Variants in TOP3B observed in about 807,000 individuals in gnomAD.
The protein encoded by TOP3B is DNA topoisomerase 3-beta-1.
Under a neutral mutation model 93.9 loss-of-function variants are expected in TOP3B, and 45 were observed. That is an observed-to-expected ratio of 0.48 (90% CI 0.38 to 0.61). The LOEUF (loss-of-function observed/expected upper bound fraction) is 0.61, where lower values mean the gene tolerates loss of function less well. Among genes scored for constraint, TOP3B ranks in the 20% least tolerant of loss-of-function variants. The probability of loss-of-function intolerance (pLI) is 0.00; values close to 1 mark genes in which losing one functional copy is unlikely to be tolerated. For synonymous variants in TOP3B, 357 were observed against 472.6 expected (o/e 0.76, Z 3.17); for missense variants, 750 against 1,156.1 (o/e 0.65, Z 5.09).
At chr22:21,960,794 C>T in intron 13 of TOP3B, 1 of 278,306 alleles carries the variant, frequency 3.6e-6, no homozygotes, top group Non-Finnish European at 7.1e-6. Context: ...TGCCTGGGTC[C>T]TGTGGCACCC....
rs201804216 is a variant in TOP3B at position 21,964,319 on chromosome 22, C to T, written c.944-4G>A. ...ATGGCGTGCTGCGGCCCCATGCCTG[C>T]GAGAGACAGGAGGTTCTCAGAGGGC... On this transcript the variant is annotated splice_region_variant and splice_polypyrimidine_tract_variant and intron_variant, in intron 9 of 17. Coordinates refer to ENST00000357179, the MANE Select transcript of TOP3B (RefSeq NM_001282112.2). The T allele has an allele frequency of 7.9e-5, 127 of 1,613,108 alleles. No homozygotes were observed. Among genetic ancestry groups the T allele is most frequent in the Non-Finnish European group, 9.1e-5 (107 of 1,179,952 alleles).
chr22:21,981,536 G>C (rs2084631468), intron 1 of TOP3B, among the ~76,000 whole-genome samples: 1 of 152,162 alleles, frequency 6.6e-6, no homozygotes, highest in African/African-American at 2.4e-5. Flanking sequence ...ACGGTAAATA[G>C]ACAGTGAGCA....
intron 1 of TOP3B, among the ~76,000 whole-genome samples, chr22:21,981,288 G>A (rs1392631116): frequency 6.6e-6 from 1 of 152,172 alleles, no homozygotes; most frequent in Non-Finnish European, 1.5e-5. Context: ...TGGGACTGTG[G>A]GGTCAGAGAG....
intron 13 of TOP3B, chr22:21,960,902 C>A: frequency 5.9e-6 from 1 of 169,138 alleles, no homozygotes; most frequent in Non-Finnish European, 1.3e-5. Flanking sequence ...CAATTCTGTC[C>A]ACTTCCTGTC....
rs144269762 is a variant in TOP3B, at chr22:21,964,201, G to C, written c.1058C>G (p.Ser353Cys). 9 of 1,614,194 alleles carry C rather than the reference G, an allele frequency of 5.6e-6. No individual in the cohort carries two copies. Among genetic ancestry groups the C allele is most frequent in the Non-Finnish European group, 7.6e-6 (9 of 1,180,036 alleles). Reference sequence around the variant, plus strand: ...GGGGTGGTTGGCCTGCTGCCGCAGAGAGCCCTTCAGGTCAAAGTTCTCAGG... The same window carrying C: ...GGGGTGGTTGGCCTGCTGCCGCAGACAGCCCTTCAGGTCAAAGTTCTCAGG... The part of the protein sequence containing the change: ...HYPENFDLKG[S>C]LRQQANHPYW... Residue 353 changes from serine (S) to cysteine (C), a missense_variant, in exon 10 of 18, where the codon TCT becomes TGT. This residue lies in a region of TOP3B where 737 missense variants were observed against 933.7 expected (regional missense o/e 0.79). Coordinates refer to ENST00000357179, the MANE Select transcript of TOP3B (RefSeq NM_001282112.2).
rs765755336 is a variant in TOP3B at position 21,972,711 on chromosome 22, G to T, written c.210C>A (p.Tyr70Ter). ...CGGGGTCCACTTTGTCCCATTTGTT[G>T]TATTTTCCTACAAACCAGTCACAGT... ...HVMTLDFLGK[Y>*]NKWDKVDPAE... The change falls in exon 4 of 18, where the codon TAC becomes TAA. Residue 70 changes from tyrosine (Y) to a stop codon, truncating the protein, a stop_gained. Transcript: ENST00000357179. LOFTEE classifies it high-confidence loss of function. The T allele has an allele frequency of 5.6e-6, 9 of 1,613,554 alleles. No homozygotes were observed. The highest frequency in any genetic ancestry group is 7.6e-6 in the Non-Finnish European group (9 of 1,179,800).
intron 13 of TOP3B, 106 bp from the exon 14 acceptor site, chr22:21,960,555 C>A: frequency 4.7e-6 from 7 of 1,489,744 alleles, no homozygotes; most frequent in Non-Finnish European, 6.4e-6. Flanking sequence ...GGCCCTCTCA[C>A]TGCTCCCGGT....
intron 2 of TOP3B, chr22:21,974,720 C>T: frequency 2.6e-6 from 1 of 381,996 alleles, no homozygotes; most frequent in Non-Finnish European, 4.7e-6. Context: ...ATGCAGAGCC[C>T]CAGGCTGCCG....
In TOP3B at chr22:21,959,088, C is replaced by T. The variant is rs1271704570; in HGVS notation, c.1905+44G>A. 5.0e-6 allele frequency: 8 copies of T among 1,608,416 alleles called. 1 individual carries two copies. The African/African-American group carries it at 8.0e-5, about 16-fold the overall frequency. On this transcript the variant is annotated intron_variant, in intron 16 of 17. Coordinates refer to ENST00000357179, the MANE Select transcript of TOP3B (RefSeq NM_001282112.2). ...TGATCAACGATAAAGCTGAGGCCTA[C>T]AGGGGTGAGGCAGCTTGCCTGAGCT...
Position 21,968,646 on chromosome 22 carries a change from T to C in TOP3B, c.711A>G (p.Pro237=), listed in dbSNP as rs2071509033. 3 of 1,614,120 alleles carry C rather than the reference T, an allele frequency of 1.9e-6. No individual in the cohort carries two copies. The highest frequency in any genetic ancestry group is 1.6e-4 in the Middle Eastern group (1 of 6,082). ...ERHDKIQSFK[P]ETYWVLQAKV... ...TGGCCTGCAGCACCCAGTAGGTCTC[T>C]GGTTTGAAGGACTGGATTTTATCAT... Residue 237 remains proline (P), a synonymous_variant, in exon 7 of 18, where the codon CCA becomes CCG. Transcript: ENST00000357179.
chr22:21,962,896 G>A lies in TOP3B; in HGVS notation c.1205-3C>T, dbSNP rs767876919. On this transcript the variant is annotated splice_region_variant and splice_polypyrimidine_tract_variant and intron_variant, in intron 11 of 17. Transcript: ENST00000357179. ...ATAGAGCCGCCACGCGTCACCCCCT[G>A]CAACAGGCCAGGGCTAGTCAGTTGG... The A allele has an allele frequency of 6.2e-7, 1 of 1,612,596 alleles. No homozygotes were observed. Among genetic ancestry groups the A allele is most frequent in the South Asian group, 1.1e-5 (1 of 91,064 alleles).
chr22:21,969,957 A>T (rs2071567498), intron 6 of TOP3B: 40 of 250,744 alleles, frequency 1.6e-4, no homozygotes, highest in South Asian at 3.0e-4. Flanking sequence ...TTTTGTAGAG[A>T]TGGGGTCTTG....
In TOP3B at chr22:21,982,777, C is replaced by A. The variant is rs2084663180; in HGVS notation, c.-146G>T. The stretch of plus-strand genomic sequence containing the variant: ...GCTCCGGTCCTTGTTCCCGGGGCGG[C>A]TACCGACAACCCCTATTTCCGGGTC... On this transcript the variant is annotated 5_prime_UTR_variant, in exon 1 of 18. Coordinates refer to ENST00000357179, the MANE Select transcript of TOP3B (RefSeq NM_001282112.2). 1 of 152,246 alleles carries A rather than the reference C, an allele frequency of 6.6e-6. No homozygotes were observed. Among genetic ancestry groups the A allele is most frequent in the African/African-American group, 2.4e-5 (1 of 41,470 alleles). 9.4% of individuals were successfully genotyped at this position (152,246 alleles called of 1,614,324 possible).
chr22:21,964,270 G>A lies in TOP3B; in HGVS notation c.989C>T (p.Thr330Met), dbSNP rs1439279941. Reference protein sequence around the residue: ...HAMQTAERLYTQGYISYPRTE... With the variant: ...HAMQTAERLYMQGYISYPRTE... ...CCGTGGGTAGCTGATGTAGCCTTGC[G>A]TGTAGAGCCGCTCAGCCGTCTGCAT... The change falls in exon 10 of 18, where the codon ACG (threonine) becomes ATG (methionine). Residue 330 changes from threonine (T) to methionine (M), a missense_variant. This residue lies in a region of TOP3B where 737 missense variants were observed against 933.7 expected (regional missense o/e 0.79). Coordinates refer to ENST00000357179, the MANE Select transcript of TOP3B (RefSeq NM_001282112.2). 5.6e-6 allele frequency: 9 copies of A among 1,614,146 alleles called. No homozygotes were observed. Among genetic ancestry groups the A allele is most frequent in the Middle Eastern group, 1.7e-4 (1 of 6,060 alleles).
At position 21,967,612 on chromosome 22, in the gene TOP3B, C is replaced by G. The variant is rs1358706421; in HGVS notation, c.843G>C (p.Lys281Asn). The change falls in exon 8 of 18, where the codon AAG becomes AAC. Residue 281 changes from lysine (K) to asparagine (N), a missense_variant. This residue lies in a region of TOP3B where 737 missense variants were observed against 933.7 expected (regional missense o/e 0.79). Coordinates refer to ENST00000357179, the MANE Select transcript of TOP3B (RefSeq NM_001282112.2). The part of the protein sequence containing the change: ...QMFLNMTKLE[K>N]EAQVEATSRK... ...GGTGGAGCAGGCACACCTGGGCTTC[C>G]TTCTCCAGCTTTGTCATGTTTAAAA... 6.2e-7 allele frequency: 1 copy of G among 1,614,098 alleles called. No homozygotes were observed. The highest frequency in any genetic ancestry group is 8.5e-7 in the Non-Finnish European group (1 of 1,179,952).
chr22:21,970,510 T>C lies in TOP3B; in HGVS notation c.385-104A>G. ...TCCTTCCAGGAAAGAACACGTGTGC[T>C]CGGCTCCCTCTCCTGCCCCTGCCAG... On this transcript the variant is annotated intron_variant, in intron 5 of 17. Transcript: ENST00000357179. This position sits in a 1 kb window ranked among gnomAD's most constrained non-coding sequence, Gnocchi z 4.4. 8.0e-7 allele frequency: 1 copy of C among 1,242,670 alleles called. No individual in the cohort carries two copies. The allele number at this position is 1,242,670 out of a possible 1,614,324, so 77.0% of individuals were successfully genotyped here. A position where few individuals can be genotyped will look rare whatever the true frequency, so the allele number is the denominator to read the frequency against.
In TOP3B at chr22:21,962,778, G is replaced by A; in HGVS notation, c.1320C>T (p.Phe440=). The A allele has an allele frequency of 6.2e-7, 1 of 1,614,194 alleles. No individual in the cohort carries two copies. The highest frequency in any genetic ancestry group is 8.5e-7 in the Non-Finnish European group (1 of 1,180,042). Residue 440 remains phenylalanine (F), a synonymous_variant, in exon 12 of 18, where the codon TTC becomes TTT. Coordinates refer to ENST00000357179, the MANE Select transcript of TOP3B (RefSeq NM_001282112.2). Reference sequence around the variant, plus strand: ...AGAGGACGGTCTTCCCGGAGCAGGTGAAGAGCTCGGGCCCAATTCTGAAGG... The same window carrying A: ...AGAGGACGGTCTTCCCGGAGCAGGTAAAGAGCTCGGGCCCAATTCTGAAGG... ...TISFRIGPEL[F]TCSGKTVLSP...
chr22:21,979,093 G>A (rs1393804520), intron 1 of TOP3B, among the ~76,000 whole-genome samples: 1 of 152,106 alleles, frequency 6.6e-6, no homozygotes, highest in Non-Finnish European at 1.5e-5. Flanking sequence ...GCTGCGGGCA[G>A]GCCCACAGCA....
At position 21,960,485 on chromosome 22, in the gene TOP3B, C is replaced by T. The variant is rs372045588; in HGVS notation, c.1526-36G>A. 17 of 1,611,004 alleles carry T rather than the reference C, an allele frequency of 1.1e-5. No homozygotes were observed. The African/African-American group carries it at 2.0e-4, about 19-fold the overall frequency. ...CAAGGCCCCAGGGTTCCTGGCCTGC[C>T]TTGGACATGCCCCACTGAACCATGT... On this transcript the variant is annotated intron_variant, in intron 13 of 17. Coordinates refer to ENST00000357179, the MANE Select transcript of TOP3B (RefSeq NM_001282112.2).
Sources: gnomAD v4.1 joint callset for allele counts (sites outside exome capture counted in the v4.1 genomes callset) on GRCh38, gnomAD v4.1.1 for gene constraint, gnomAD v4.1.1 regional missense constraint, Gnocchi (gnomAD v3.1) non-coding constraint, MANE v1.5 for transcripts, NCBI Gene and HGNC (gene_info 2026-07-23, HGNC 2026-07-21) for gene names.